THRB: variants seen among roughly 807,000 people sequenced by gnomAD.
THRB encodes the protein nuclear receptor subfamily 1 group A member 2.
A neutral mutation model predicts 47.8 loss-of-function variants in THRB; 12 were observed. That is an observed-to-expected ratio of 0.25 (90% CI 0.16 to 0.41). The LOEUF (loss-of-function observed/expected upper bound fraction) is 0.41. Ranked by LOEUF, THRB falls within the 10% of genes least tolerant of loss-of-function variation. The pLI, the probability that THRB is intolerant of heterozygous loss-of-function variation, is 1.00. For missense variants in THRB, 348 were observed against 589.2 expected, an observed-to-expected ratio of 0.59 and a Z score of 4.24; for synonymous variants, 218 against 212.2, an observed-to-expected ratio of 1.03 and a Z score of -0.24.
rs533802860 is a variant in THRB at position 24,162,840 on chromosome 3, A to AT, written c.284-10351dup. On this transcript the variant is annotated intron_variant, in intron 5 of 10. Coordinates refer to ENST00000646209, the MANE Select transcript of THRB (RefSeq NM_001354712.2). ...CCTATAATTTTTTTATAAGATTGTAATTTTTTTTTACAAGATTCTCTGTAT... is the reference window on the plus strand; with the variant it reads ...CCTATAATTTTTTTATAAGATTGTAATTTTTTTTTTACAAGATTCTCTGTAT... Among the ~76,000 whole-genome samples, 910 of 151,502 alleles carry AT rather than the reference A, an allele frequency of 6.0e-3. 10 individuals are homozygous for AT. Among genetic ancestry groups the AT allele is most frequent in the African/African-American group, 0.02 (840 of 41,334 alleles).
intron 1 of THRB, among the ~76,000 whole-genome samples, chr3:24,384,093 T>C (rs1384981423): frequency 6.6e-6 from 1 of 152,152 alleles, no homozygotes; most frequent in African/African-American, 2.4e-5. Flanking sequence ...ATATGGGCCA[T>C]ACCAGGTCTT....
intron 1 of THRB, chr3:24,484,144 C>T (rs1696899529): frequency 6.6e-6 from 1 of 152,200 alleles, no homozygotes; most frequent in South Asian, 2.1e-4. Flanking sequence ...TTTCAACTCA[C>T]ATGAGTGAAA....
intron 5 of THRB, among the ~76,000 whole-genome samples, chr3:24,153,560 AT>A (rs1250777163): frequency 1.3e-5 from 2 of 152,192 alleles, no homozygotes; most frequent in African/African-American, 4.8e-5. Context: ...ATTAGTTTAA[AT>A]TCCTTGACTC....
At chr3:24,463,143 T>C (rs2073843027) in intron 1 of THRB, among the ~76,000 whole-genome samples, 1 of 152,258 alleles carries the variant, frequency 6.6e-6, no homozygotes, top group Admixed American at 6.5e-5. Context: ...AAGAAATATC[T>C]GAAACCTTAA....
chr3:24,431,094 T>C (rs2070345881), intron 1 of THRB: 1 of 152,228 alleles, frequency 6.6e-6, no homozygotes, highest in Admixed American at 6.5e-5. Flanking sequence ...ACAGTCAGTG[T>C]GGGTGAGATC....
intron 3 of THRB, among the ~76,000 whole-genome samples, chr3:24,287,679 A>G (rs919829903): frequency 6.6e-6 from 1 of 152,120 alleles, no homozygotes; most frequent in African/African-American, 2.4e-5. Context: ...TTATTATGAC[A>G]GCATTCTTTT....
Position 24,280,328 on chromosome 3 carries a change from C to T in THRB, c.-43+16898G>A, listed in dbSNP as rs578246819. Among the ~76,000 whole-genome samples the T allele has an allele frequency of 2.0e-5, 3 of 152,308 alleles. No individual in the cohort carries two copies. The South Asian group carries it at 6.2e-4, about 32-fold the overall frequency. On this transcript the variant is annotated intron_variant, in intron 3 of 10. Transcript: ENST00000646209. ...GGAGGCACACCCCAGCAGGGACAGA[C>T]TGACACCTCACATGGCCAGGTACTC...
intron 1 of THRB, chr3:24,454,986 G>C (rs1274550157): frequency 6.6e-6 from 1 of 151,810 alleles, no homozygotes; most frequent in Non-Finnish European, 1.5e-5. Context: ...CTTGACCAAA[G>C]TCGCTAACAA....
intron 3 of THRB, among the ~76,000 whole-genome samples, chr3:24,293,695 C>G (rs1325371885): frequency 1.3e-5 from 2 of 152,112 alleles, no homozygotes; most frequent in Non-Finnish European, 2.9e-5. Context: ...GTATAATTTC[C>G]TGAGCATGGC....
At chr3:24,188,858 A>AATTATATAT (rs369706128) in intron 5 of THRB, among the ~76,000 whole-genome samples, 2 of 94,342 alleles carry the variant, frequency 2.1e-5, no homozygotes, top group Non-Finnish European at 3.9e-5. Context: ...GATCTCCTCA[A>AATTATATAT]ATATATATAT....
intron 3 of THRB, among the ~76,000 whole-genome samples, chr3:24,234,725 C>T (rs748906264): frequency 1.3e-5 from 2 of 152,152 alleles, no homozygotes; most frequent in Admixed American, 6.5e-5. Flanking sequence ...TAATTAATTA[C>T]ACCTGTATGA....
chr3:24,281,606 G>A (rs2054617054), intron 3 of THRB, among the ~76,000 whole-genome samples: 1 of 113,604 alleles, frequency 8.8e-6, no homozygotes. Flanking sequence ...AATGTAAATG[G>A]ACTAAATGCT....
At chr3:24,168,490 A>AAT (rs370230507) in intron 5 of THRB, among the ~76,000 whole-genome samples, 2,618 of 137,922 alleles carry the variant, frequency 0.019, 85 homozygotes, top group Middle Eastern at 0.042. Flanking sequence ...TTCAATCAAT[A>AAT]ATATATATAT....
intron 1 of THRB, among the ~76,000 whole-genome samples, chr3:24,395,340 A>G (rs978105538): frequency 6.6e-6 from 1 of 152,150 alleles, no homozygotes; most frequent in African/African-American, 2.4e-5. Context: ...AACCCACAGA[A>G]GAGAAGAATA....
intron 9 of THRB, 134 bp downstream of exon 9, chr3:24,133,182 G>A (rs1310792395): frequency 8.2e-6 from 8 of 977,498 alleles, no homozygotes; most frequent in Admixed American, 4.3e-5. Flanking sequence ...ATGCATTTTC[G>A]TTTTGTACTG....
At chr3:24,178,975 ACTC>A (rs1242693766) in intron 5 of THRB, among the ~76,000 whole-genome samples, 1 of 152,234 alleles carries the variant, frequency 6.6e-6, no homozygotes, top group African/African-American at 2.4e-5. Context: ...TGTCCATTAT[ACTC>A]TAATAAAGCT....
At chr3:24,472,993 A>G (rs1028203911) in intron 1 of THRB, among the ~76,000 whole-genome samples, 4 of 152,174 alleles carry the variant, frequency 2.6e-5, no homozygotes, top group African/African-American at 7.2e-5. Flanking sequence ...GTGACTCACC[A>G]TCTGTCCTAT....
At chr3:24,376,141 G>C (rs891482628) in intron 1 of THRB, among the ~76,000 whole-genome samples, 4 of 152,110 alleles carry the variant, frequency 2.6e-5, no homozygotes, top group Admixed American at 2.6e-4. Flanking sequence ...TGAAAAAAAA[G>C]GTTTTAAGTG....
intron 5 of THRB, among the ~76,000 whole-genome samples, chr3:24,160,654 G>A (rs1297727373): frequency 6.6e-6 from 1 of 152,196 alleles, no homozygotes; most frequent in Non-Finnish European, 1.5e-5. Context: ...AGATAACCAA[G>A]TGGGCACCGG....
Sources: allele counts gnomAD v4.1 joint callset (sites outside exome capture counted in the v4.1 genomes callset), GRCh38; gene constraint gnomAD v4.1.1; transcripts MANE v1.5; gene names NCBI Gene and HGNC (gene_info 2026-07-23, HGNC 2026-07-21).